CLNK: variants seen among roughly 807,000 people sequenced by gnomAD.
CLNK encodes cytokine-dependent hematopoietic cell linker.
Under a neutral mutation model 68.6 loss-of-function variants are expected in CLNK, and 74 were observed. The observed-to-expected ratio is 1.08, with a 90% confidence interval of 0.89 to 1.31. The LOEUF (loss-of-function observed/expected upper bound fraction) is 1.31, where lower values mean the gene tolerates loss of function less well. CLNK is among the 50% of genes most tolerant of loss of function. The pLI, the probability that CLNK is intolerant of heterozygous loss-of-function variation, is 0.00. For missense variants in CLNK, 553 were observed against 515.3 expected (o/e 1.07, Z -0.71); for synonymous variants, 198 against 172.2 (o/e 1.15, Z -1.17).
At chr4:10,648,162 G>C (rs563810884) in intron 2 of CLNK, among the ~76,000 whole-genome samples, 1 of 152,138 alleles carries the variant, frequency 6.6e-6, no homozygotes, top group Non-Finnish European at 1.5e-5. Context: ...AAGTTACCAC[G>C]TAATGAGATA....
At chr4:10,689,227 T>C (rs1328760473), upstream of CLNK, among the ~76,000 whole-genome samples, 2 of 151,984 alleles carry the variant, frequency 1.3e-5, no homozygotes, top group African/African-American at 4.8e-5. Flanking sequence ...CTTGAACTCC[T>C]GGGCTCAAGT....
At chr4:10,590,226 A>ACCC (rs1721134779) in intron 3 of CLNK, among the ~76,000 whole-genome samples, 2 of 152,240 alleles carry the variant, frequency 1.3e-5, no homozygotes, top group Non-Finnish European at 2.9e-5. Context: ...ATACTTTTGA[A>ACCC]TAATTTAATA....
chr4:10,632,681 CTT>C (rs1163996906), intron 2 of CLNK, among the ~76,000 whole-genome samples: 3 of 151,992 alleles, frequency 2.0e-5, no homozygotes, highest in African/African-American at 7.3e-5. Flanking sequence ...CAGACTTTCT[CTT>C]TGTCTTCAAG....
intron 2 of CLNK, among the ~76,000 whole-genome samples, chr4:10,623,453 G>A (rs1175982103): frequency 6.6e-6 from 1 of 152,100 alleles, no homozygotes; most frequent in Non-Finnish European, 1.5e-5. Flanking sequence ...TGACTGTCTG[G>A]CTTCAAATTT....
chr4:10,607,604 G>A (rs773174784), intron 2 of CLNK, among the ~76,000 whole-genome samples: 2 of 152,232 alleles, frequency 1.3e-5, no homozygotes, highest in African/African-American at 2.4e-5. Flanking sequence ...CAATATGTCT[G>A]TAGCACAAAG....
intron 8 of CLNK, among the ~76,000 whole-genome samples, chr4:10,553,338 G>C (rs1719535540): frequency 6.6e-6 from 1 of 151,992 alleles, no homozygotes; most frequent in South Asian, 2.1e-4. Context: ...TCCCCCTCTT[G>C]GAGATCCACA....
chr4:10,499,542 G>T (rs919384612), intron 18 of CLNK, among the ~76,000 whole-genome samples: 2 of 152,170 alleles, frequency 1.3e-5, no homozygotes, highest in Non-Finnish European at 2.9e-5. Flanking sequence ...GATTTCACAC[G>T]TGTGCCTACC....
intron 7 of CLNK, among the ~76,000 whole-genome samples, chr4:10,562,708 G>T (rs536870633): frequency 5.9e-5 from 9 of 152,258 alleles, no homozygotes; most frequent in African/African-American, 2.2e-4. Context: ...CCGGTCACAA[G>T]AATGTTTTAA....
chr4:10,645,099 G>A (rs924267793), intron 2 of CLNK, among the ~76,000 whole-genome samples: 1 of 152,168 alleles, frequency 6.6e-6, no homozygotes, highest in African/African-American at 2.4e-5. Context: ...GGGGTGAATA[G>A]TGAAAATAAA....
intron 2 of CLNK, among the ~76,000 whole-genome samples, chr4:10,616,203 C>A (rs548449081): frequency 6.6e-6 from 1 of 152,194 alleles, no homozygotes; most frequent in East Asian, 1.9e-4. Flanking sequence ...CATCTCTTCA[C>A]CACCCTCAAT....
chr4:10,542,201 T>C, intron 9 of CLNK, 54 bp downstream of exon 9: 1 of 1,274,142 alleles, frequency 7.8e-7, no homozygotes, highest in Non-Finnish European at 1.1e-6. Flanking sequence ...TCTATATCTC[T>C]AGGCTTCTAA....
chr4:10,716,295 A>T, the CLNK span, among the ~76,000 whole-genome samples: 2 of 152,220 alleles, frequency 1.3e-5, no homozygotes, highest in Admixed American at 1.3e-4. Flanking sequence ...AAATAAATAA[A>T]TGTCTCAGTT....
chr4:10,722,316 A>G, the CLNK span, among the ~76,000 whole-genome samples: 1 of 152,124 alleles, frequency 6.6e-6, no homozygotes, highest in African/African-American at 2.4e-5. Context: ...CCAAGCTCCT[A>G]AGCTCCTAAA....
chr4:10,513,322 A>T, intron 16 of CLNK, 142 bp downstream of exon 16: 5 of 642,122 alleles, frequency 7.8e-6, no homozygotes, highest in Non-Finnish European at 1.2e-5. Context: ...TACTTTAAAA[A>T]TATTAAAACC....
At chr4:10,496,878 A>G (rs925263793) in intron 18 of CLNK, among the ~76,000 whole-genome samples, 9 of 152,194 alleles carry the variant, frequency 5.9e-5, no homozygotes, top group Admixed American at 1.3e-4. Context: ...AACCGCAGAA[A>G]ATTCTTTAAG....
At chr4:10,580,881 T>C (rs140300974) in intron 4 of CLNK, among the ~76,000 whole-genome samples, 256 of 152,276 alleles carry the variant, frequency 1.7e-3, no homozygotes, top group Non-Finnish European at 2.1e-3. Flanking sequence ...GTAGCCTAAG[T>C]GTAGAGATTC....
At chr4:10,682,526 G>A (rs573042599) in intron 1 of CLNK, among the ~76,000 whole-genome samples, 3 of 152,274 alleles carry the variant, frequency 2.0e-5, no homozygotes, top group African/African-American at 4.8e-5. Flanking sequence ...GTGCACATTT[G>A]CTCTCACTCT....
chr4:10,511,284 C>T (rs1372318825), intron 16 of CLNK, among the ~76,000 whole-genome samples: 2 of 152,182 alleles, frequency 1.3e-5, no homozygotes, highest in Non-Finnish European at 2.9e-5. Context: ...AGAGCTGTGT[C>T]ACGGGCCATG....
At chr4:10,561,441 C>T (rs376493784) in intron 7 of CLNK, among the ~76,000 whole-genome samples, 2 of 152,252 alleles carry the variant, frequency 1.3e-5, no homozygotes, top group East Asian at 3.9e-4. Context: ...GGCTTAAATC[C>T]TGGCATAGTT....
Sources: allele counts gnomAD v4.1 joint callset (sites outside exome capture counted in the v4.1 genomes callset), GRCh38; gene constraint gnomAD v4.1.1; transcripts MANE v1.5; gene names NCBI Gene and HGNC (gene_info 2026-07-23, HGNC 2026-07-21).